The following SPMIP8 variants were observed in gnomAD, a reference collection of about 807,000 sequenced individuals.
The protein encoded by SPMIP8 is sperm microtubule inner protein 8, also known as testicular tissue protein Li 196.
At chr16:57,979,615 A>C in the SPMIP8 span, among the ~76,000 whole-genome samples, 1 of 152,256 alleles carries the variant, frequency 6.6e-6, no homozygotes. Context: ...AACAATATGC[A>C]CAGCAACAAG....
At chr16:57,986,241 A>C in the SPMIP8 span, 18 of 340,774 alleles carry the variant, frequency 5.3e-5, no homozygotes, top group South Asian at 9.8e-5. Flanking sequence ...ACAGACAAAT[A>C]AGAAACACAA....
At chr16:57,985,316 C>A in the SPMIP8 span, 1 of 1,547,614 alleles carries the variant, frequency 6.5e-7, no homozygotes, top group Non-Finnish European at 8.7e-7. Context: ...AGCGGGGGTC[C>A]TGGTGGGGAG....
At chr16:57,985,951 C>A in the SPMIP8 span, 1 of 1,608,448 alleles carries the variant, frequency 6.2e-7, no homozygotes, top group Non-Finnish European at 8.5e-7. Flanking sequence ...GGTAGGGGAA[C>A]GGTCCTGTCC....
the SPMIP8 span, among the ~76,000 whole-genome samples, chr16:57,981,197 A>G: frequency 6.6e-6 from 1 of 151,712 alleles, no homozygotes; most frequent in African/African-American, 2.4e-5. Context: ...CCTGACCAAT[A>G]TGGTAAAACC....
At chr16:57,984,382 T>C in the SPMIP8 span, 30 of 1,614,160 alleles carry the variant, frequency 1.9e-5, no homozygotes, top group Non-Finnish European at 2.5e-5. Flanking sequence ...TCCTTTGCCC[T>C]GCCCTTGGGT....
the SPMIP8 span, chr16:57,977,984 C>G: frequency 6.2e-7 from 1 of 1,614,084 alleles, no homozygotes; most frequent in Admixed American, 1.7e-5. Flanking sequence ...ACAGGGACAC[C>G]GTCAAGGCCT....
the SPMIP8 span, chr16:57,977,819 G>A: frequency 1.2e-6 from 2 of 1,612,524 alleles, no homozygotes; most frequent in South Asian, 1.1e-5. Context: ...CCCCAGCTAT[G>A]GCCCGCATCA....
At chr16:57,977,601 AG>A in the SPMIP8 span, among the ~76,000 whole-genome samples, 1 of 92,212 alleles carries the variant, frequency 1.1e-5, no homozygotes, top group Admixed American at 1.0e-4. Flanking sequence ...GTGTGTTGGA[AG>A]GGGAGTGGGA....
the SPMIP8 span, chr16:57,985,238 T>G: frequency 1.9e-6 from 3 of 1,556,852 alleles, no homozygotes; most frequent in Admixed American, 4.0e-5. Context: ...GGTGCGGTAC[T>G]TGAAGCCCGA....
chr16:57,985,161 TGG>T, the SPMIP8 span: 745 of 1,435,880 alleles, frequency 5.2e-4, 9 homozygotes, highest in African/African-American at 9.6e-3. Context: ...GGGCTTGTCC[TGG>T]GGGGGGGCGG....
At chr16:57,984,829 G>A in the SPMIP8 span, 2 of 1,579,834 alleles carry the variant, frequency 1.3e-6, no homozygotes, top group South Asian at 2.3e-5. Flanking sequence ...ACGGGCCGCT[G>A]AAGGAACTGC....
the SPMIP8 span, among the ~76,000 whole-genome samples, chr16:57,981,841 A>G: frequency 6.6e-6 from 1 of 152,040 alleles, no homozygotes. Context: ...CTGGTCATTT[A>G]TTGTGTCTAA....
chr16:57,978,025 C>A, the SPMIP8 span: 44 of 1,613,780 alleles, frequency 2.7e-5, no homozygotes, highest in Non-Finnish European at 3.3e-5. Flanking sequence ...CAGTCCACCA[C>A]CTACTGCCGC....
At chr16:57,986,044 G>A in the SPMIP8 span, 12 of 1,406,646 alleles carry the variant, frequency 8.5e-6, no homozygotes, top group South Asian at 2.9e-5. Flanking sequence ...CTGCCCCAGC[G>A]AGGCCTGGCG....
chr16:57,977,726 C>T, the SPMIP8 span: 28 of 1,400,406 alleles, frequency 2.0e-5, no homozygotes, highest in Admixed American at 3.8e-5. Context: ...AAGTAGACAT[C>T]GGCACTGGCC....
the SPMIP8 span, chr16:57,977,959 C>CCCTG: frequency 6.2e-7 from 1 of 1,614,188 alleles, no homozygotes; most frequent in East Asian, 2.2e-5. Flanking sequence ...GCCCTGCCCA[C>CCCTG]CCTGCGCCAC....
the SPMIP8 span, chr16:57,984,349 A>C: frequency 6.2e-7 from 1 of 1,613,826 alleles, no homozygotes; most frequent in Non-Finnish European, 8.5e-7. Flanking sequence ...TCCCCAACAA[A>C]CCCCTGCAGT....
the SPMIP8 span, chr16:57,987,198 G>A: frequency 2.2e-6 from 1 of 457,016 alleles, no homozygotes; most frequent in Non-Finnish European, 3.8e-6. Context: ...AGAAGGATGA[G>A]GCACAGTCAA....
the SPMIP8 span, chr16:57,986,405 A>C: frequency 1.9e-5 from 3 of 154,456 alleles, no homozygotes; most frequent in African/African-American, 7.2e-5. Context: ...AAGAGGTTGC[A>C]GGATACTCAA....
Sources: gnomAD v4.1 joint callset for allele counts (sites outside exome capture counted in the v4.1 genomes callset) on GRCh38, gnomAD v4.1.1 for gene constraint, MANE v1.5 for transcripts, NCBI Gene and HGNC (gene_info 2026-07-23, HGNC 2026-07-21) for gene names.